The following MESP1 variants were observed in gnomAD, a reference collection of about 807,000 sequenced individuals.
MESP1 encodes mesoderm posterior bHLH transcription factor 1.
In MESP1, 22 loss-of-function variants were observed where a neutral mutation model predicts 15.2. The ratio of observed to expected loss-of-function variants is 1.45; its 90% CI spans 1.04 to 2.07. The LOEUF (loss-of-function observed/expected upper bound fraction) is 2.07. Ranked by LOEUF, MESP1 falls within the 30% of genes most tolerant of loss-of-function variation. The pLI, the probability that MESP1 is intolerant of heterozygous loss-of-function variation, is 0.00. For synonymous variants in MESP1, 216 were observed against 192.6 expected (o/e 1.12, Z -1.01); for missense variants, 484 against 411.9 (o/e 1.17, Z -1.51).
chr15:89,747,786 G>C (rs1403461434), downstream of MESP1, among the ~76,000 whole-genome samples: 2 of 152,218 alleles, frequency 1.3e-5, no homozygotes, highest in Non-Finnish European at 2.9e-5. Context: ...CCTGCAGCTG[G>C]GGTTACCTTG....
At chr15:89,733,038 G>C in the MESP1 span, 1 of 1,613,974 alleles carries the variant, frequency 6.2e-7, no homozygotes, top group Non-Finnish European at 8.5e-7. Flanking sequence ...TCTTCCTCAG[G>C]GATGTTTCTG....
chr15:89,743,439 G>A, the MESP1 span: 1 of 1,584,304 alleles, frequency 6.3e-7, no homozygotes. Context: ...CAGCCACGAG[G>A]CAGCTGCTCC....
At chr15:89,741,555 A>G in the MESP1 span, among the ~76,000 whole-genome samples, 1 of 152,178 alleles carries the variant, frequency 6.6e-6, no homozygotes, top group African/African-American at 2.4e-5. Context: ...GATACAGGGA[A>G]TTCTACTTAG....
chr15:89,732,563 C>G, the MESP1 span, among the ~76,000 whole-genome samples: 1 of 152,026 alleles, frequency 6.6e-6, no homozygotes, highest in Non-Finnish European at 1.5e-5. Flanking sequence ...AAGCCCTTGA[C>G]CAAAATAGCT....
the MESP1 span, chr15:89,737,550 C>G: frequency 2.5e-6 from 4 of 1,613,942 alleles, no homozygotes; most frequent in Non-Finnish European, 3.4e-6. Context: ...AGAAGCCCCC[C>G]TCACCATCTC....
chr15:89,739,302 G>A, the MESP1 span, among the ~76,000 whole-genome samples: 2 of 152,134 alleles, frequency 1.3e-5, no homozygotes, highest in Non-Finnish European at 2.9e-5. Context: ...CAGGATTGAA[G>A]GCTGCGAAGG....
downstream of MESP1, among the ~76,000 whole-genome samples, chr15:89,748,204 T>C (rs1452582374): frequency 1.3e-5 from 2 of 152,108 alleles, no homozygotes; most frequent in African/African-American, 4.8e-5. Flanking sequence ...ATAGATCTTC[T>C]AAGCTGTGTC....
At chr15:89,736,995 G>A in the MESP1 span, among the ~76,000 whole-genome samples, 1 of 152,152 alleles carries the variant, frequency 6.6e-6, no homozygotes, top group South Asian at 2.1e-4. Context: ...GTTTCACCGT[G>A]TTAGCCAGGA....
At chr15:89,745,020 C>T (rs192432339), downstream of MESP1, among the ~76,000 whole-genome samples, 4 of 152,296 alleles carry the variant, frequency 2.6e-5, no homozygotes, top group Admixed American at 2.6e-4. The surrounding 1 kb of genome is among the most constrained non-coding windows in gnomAD (Gnocchi z 4.8). Flanking sequence ...GAGGTATTCC[C>T]ACCCCCAAAC....
downstream of MESP1, among the ~76,000 whole-genome samples, chr15:89,746,339 ACATCCACACATCCACACATCCACACAG>A (rs1967951360): frequency 2.2e-5 from 3 of 135,590 alleles, no homozygotes; most frequent in African/African-American, 3.1e-5. Context: ...ACACCTCCAC[ACATCCACACATCCACACATCCACACAG>A]CATCCACACC....
downstream of MESP1, among the ~76,000 whole-genome samples, chr15:89,746,539 A>C (rs1414817787): frequency 6.9e-6 from 1 of 144,332 alleles, no homozygotes; most frequent in Admixed American, 6.8e-5. Flanking sequence ...ACACACGCAC[A>C]CACAGCCCAA....
At chr15:89,737,140 G>A in the MESP1 span, among the ~76,000 whole-genome samples, 7 of 152,160 alleles carry the variant, frequency 4.6e-5, no homozygotes, top group Non-Finnish European at 7.3e-5. Flanking sequence ...CACTGCAGAG[G>A]AAAGAGCCCA....
At chr15:89,739,297 T>C in the MESP1 span, among the ~76,000 whole-genome samples, 1 of 152,182 alleles carries the variant, frequency 6.6e-6, no homozygotes, top group Non-Finnish European at 1.5e-5. Context: ...TATGGCAGGA[T>C]TGAAGGCTGC....
rs1035326634 is a variant in MESP1 at position 89,750,398 on chromosome 15, G to A, written c.723+111C>T. Reference sequence around the variant, plus strand: ...GCCCTGGGCATACTATGGTGGCCAGGTGGCCAGGCTGCCGGCGGGGAGCAG... The same window carrying A: ...GCCCTGGGCATACTATGGTGGCCAGATGGCCAGGCTGCCGGCGGGGAGCAG... On this transcript the variant is annotated intron_variant, in intron 1 of 1. Transcript: ENST00000300057. The A allele has an allele frequency of 4.8e-6, 7 of 1,455,584 alleles. No homozygotes were observed. In the African/African-American group the frequency reaches 8.5e-5, roughly 18 times the overall value. 90.2% of individuals were successfully genotyped at this position (1,455,584 alleles called of 1,614,324 possible). A position where few individuals can be genotyped will look rare whatever the true frequency, so the allele number is the denominator to read the frequency against.
chr15:89,750,046 G>T lies in MESP1; in HGVS notation c.*98C>A. On this transcript the variant is annotated 3_prime_UTR_variant, in exon 2 of 2. Coordinates refer to ENST00000300057, the MANE Select transcript of MESP1 (RefSeq NM_018670.4). ...GAATGCCCCCGTCGGGATCGCCCGT[G>T]CCCTCTTCCAGGAAAGGCAGTCTGC... is the stretch of plus-strand genomic sequence containing the variant. 1.7e-6 allele frequency: 2 copies of T among 1,204,564 alleles called. No homozygotes were observed. Among genetic ancestry groups the T allele is most frequent in the South Asian group, 1.2e-5 (1 of 81,796 alleles). The allele number at this position is 1,204,564 out of a possible 1,614,324, so 74.6% of individuals were successfully genotyped here. A position where few individuals can be genotyped will look rare whatever the true frequency, so the allele number is the denominator to read the frequency against.
chr15:89,750,943 T>C lies in MESP1; in HGVS notation c.289A>G (p.Thr97Ala). 1 of 1,449,962 alleles carries C rather than the reference T, an allele frequency of 6.9e-7. No homozygotes were observed. The highest frequency in any genetic ancestry group is 9.0e-7 in the Non-Finnish European group (1 of 1,104,984). The allele number at this position is 1,449,962 out of a possible 1,614,324, so 89.8% of individuals were successfully genotyped here. The change falls in exon 1 of 2, where the codon ACG becomes GCG. Residue 97 changes from threonine to alanine, a missense_variant. Transcript: ENST00000300057. ...AGCTCGTGCAGGGCGCGGGCCAGCG[T>C]GCGCATGCGCAGTTTCTCCCGCTCA... ...ASEREKLRMR[T>A]LARALHELRR...
At chr15:89,735,359 G>A in the MESP1 span, 1 of 771,638 alleles carries the variant, frequency 1.3e-6, no homozygotes, top group Non-Finnish European at 2.1e-6. Flanking sequence ...TTAATTTTTT[G>A]CTACTATGAA....
the MESP1 span, among the ~76,000 whole-genome samples, chr15:89,742,742 A>C: frequency 6.6e-6 from 1 of 152,090 alleles, no homozygotes; most frequent in Non-Finnish European, 1.5e-5. Flanking sequence ...CAGGTTGGCC[A>C]GGCTAGTCTC....
the MESP1 span, among the ~76,000 whole-genome samples, chr15:89,735,026 T>C: frequency 2.7e-3 from 404 of 150,824 alleles, no homozygotes; most frequent in African/African-American, 9.0e-3. Flanking sequence ...CCGTGCATCC[T>C]TCTTTCCTTT....
Sources: allele counts gnomAD v4.1 joint callset (sites outside exome capture counted in the v4.1 genomes callset), GRCh38; gene constraint gnomAD v4.1.1; non-coding constraint Gnocchi (gnomAD v3.1); transcripts MANE v1.5; gene names NCBI Gene and HGNC (gene_info 2026-07-23, HGNC 2026-07-21).